Variants in ZMYM5 observed in about 807,000 individuals in gnomAD.
The protein encoded by ZMYM5 is zinc finger MYM-type containing 5, also known as zinc finger MYM-type protein 5.
Under a neutral mutation model 61.8 loss-of-function variants are expected in ZMYM5, and 41 were observed. The ratio of observed to expected loss-of-function variants is 0.66; its 90% CI spans 0.52 to 0.86. The LOEUF (loss-of-function observed/expected upper bound fraction) is 0.86. Ranked by LOEUF, ZMYM5 falls within the 40% of genes least tolerant of loss-of-function variation. The pLI is 0.00. For synonymous variants in ZMYM5, 257 were observed against 276.4 expected (o/e 0.93, Z 0.70); for missense variants, 706 against 786.7 (o/e 0.90, Z 1.23).
chr13:19,851,551 T>G, intron 3 of ZMYM5, 103 bp from the exon 4 acceptor site: 2 of 1,548,994 alleles, frequency 1.3e-6, no homozygotes, highest in Non-Finnish European at 1.8e-6. Context: ...ATAGTGATGT[T>G]TTATATGTAA....
At chr13:19,828,683 A>G (rs1377792325) in intron 7 of ZMYM5, among the ~76,000 whole-genome samples, 1 of 152,210 alleles carries the variant, frequency 6.6e-6, no homozygotes. Flanking sequence ...GGATTATAGC[A>G]GTAGAGATAG....
chr13:19,859,067 G>C (rs1953623296), intron 2 of ZMYM5, among the ~76,000 whole-genome samples: 1 of 151,992 alleles, frequency 6.6e-6, no homozygotes, highest in African/African-American at 2.4e-5. Context: ...AGGAGGCAGA[G>C]GTTGCAGTGA....
intron 7 of ZMYM5, among the ~76,000 whole-genome samples, chr13:19,833,452 T>A (rs1952586010): frequency 6.6e-6 from 1 of 152,226 alleles, no homozygotes. Context: ...TGTGGTTCTA[T>A]TTCTGGACTA....
intron 2 of ZMYM5, among the ~76,000 whole-genome samples, chr13:19,860,018 C>T (rs1953671350): frequency 1.4e-5 from 2 of 140,324 alleles, no homozygotes; most frequent in African/African-American, 5.3e-5. Flanking sequence ...GCACAAGAAT[C>T]GCTTGAGCCC....
chr13:19,850,760 C>T (rs1953257375), intron 4 of ZMYM5, among the ~76,000 whole-genome samples: 1 of 151,930 alleles, frequency 6.6e-6, no homozygotes, highest in Non-Finnish European at 1.5e-5. Context: ...GTATCTTTAT[C>T]CTTTGATTTT....
chr13:19,858,327 G>A (rs1002023503), intron 2 of ZMYM5, among the ~76,000 whole-genome samples: 1 of 152,022 alleles, frequency 6.6e-6, no homozygotes, highest in South Asian at 2.1e-4. Flanking sequence ...TAATGCCCCT[G>A]TAATCCCAGC....
At chr13:19,832,800 T>C (rs1566087279) in intron 7 of ZMYM5, among the ~76,000 whole-genome samples, 1 of 152,070 alleles carries the variant, frequency 6.6e-6, no homozygotes. Flanking sequence ...AGTCTCATTC[T>C]GTTGCCCAGG....
intron 6 of ZMYM5, 166 bp downstream of exon 6, chr13:19,837,490 A>T (rs1170762483): frequency 6.3e-7 from 1 of 1,582,488 alleles, no homozygotes; most frequent in Admixed American, 2.0e-5. Context: ...TTTTATTTAT[A>T]AAATATCCCA....
chr13:19,834,597 G>A (rs1593857068), intron 7 of ZMYM5, among the ~76,000 whole-genome samples: 1 of 152,146 alleles, frequency 6.6e-6, no homozygotes, highest in South Asian at 2.1e-4. Context: ...TCCAAATTTT[G>A]GTCAGAATGT....
intron 6 of ZMYM5, among the ~76,000 whole-genome samples, chr13:19,836,834 C>A (rs868364159): frequency 3.3e-5 from 5 of 152,130 alleles, no homozygotes; most frequent in Non-Finnish European, 5.9e-5. Flanking sequence ...AAAGTGAGGA[C>A]TGCCTGCATG....
intron 7 of ZMYM5, among the ~76,000 whole-genome samples, chr13:19,831,089 A>T (rs571671202): frequency 5.2e-4 from 77 of 147,848 alleles, no homozygotes; most frequent in African/African-American, 1.8e-3. Context: ...GGCCTTCCAA[A>T]GTGCTGGGAT....
intron 2 of ZMYM5, among the ~76,000 whole-genome samples, chr13:19,860,370 A>C (rs561468395): frequency 1.0e-4 from 15 of 147,556 alleles, no homozygotes; most frequent in Non-Finnish European, 1.9e-4. Context: ...TCGGCTCACC[A>C]TAACCTCTGC....
At chr13:19,845,360 G>A (rs1008087140) in intron 4 of ZMYM5, among the ~76,000 whole-genome samples, 2 of 152,180 alleles carry the variant, frequency 1.3e-5, no homozygotes, top group African/African-American at 4.8e-5. Flanking sequence ...ATTAATGATG[G>A]AAATGCAAAA....
intron 4 of ZMYM5, among the ~76,000 whole-genome samples, chr13:19,850,091 A>C (rs1447441772): frequency 1.3e-5 from 2 of 152,072 alleles, no homozygotes; most frequent in Non-Finnish European, 2.9e-5. Context: ...TAAACACTAA[A>C]ATGGTCAAAA....
chr13:19,857,092 C>G (rs1019982565), intron 2 of ZMYM5, among the ~76,000 whole-genome samples: 43 of 152,120 alleles, frequency 2.8e-4, no homozygotes, highest in Non-Finnish European at 5.6e-4. Context: ...GGCGACAGAG[C>G]GAGACTCCGT....
intron 4 of ZMYM5, chr13:19,843,463 T>C (rs1212246630): frequency 6.6e-6 from 1 of 151,502 alleles, no homozygotes; most frequent in Non-Finnish European, 1.5e-5. Flanking sequence ...AATTCATGCT[T>C]ATATAAACAT....
chr13:19,850,252 G>T (rs1953238668), intron 4 of ZMYM5, among the ~76,000 whole-genome samples: 1 of 152,074 alleles, frequency 6.6e-6, no homozygotes. Context: ...TGATTTAAAG[G>T]CAAGAAAGTT....
At chr13:19,862,944 C>A (rs1232599186) in intron 1 of ZMYM5, among the ~76,000 whole-genome samples, 1 of 152,214 alleles carries the variant, frequency 6.6e-6, no homozygotes, top group East Asian at 1.9e-4. Flanking sequence ...TCGCCCAGAT[C>A]AGCAGCAAAG....
intron 7 of ZMYM5, among the ~76,000 whole-genome samples, chr13:19,830,655 G>A (rs1205736260): frequency 1.4e-5 from 2 of 143,868 alleles, no homozygotes; most frequent in East Asian, 2.2e-4. Flanking sequence ...TGCCTCAGCC[G>A]CCCAAGCAGC....
Sources: gnomAD v4.1 joint callset for allele counts (sites outside exome capture counted in the v4.1 genomes callset) on GRCh38, gnomAD v4.1.1 for gene constraint, MANE v1.5 for transcripts, NCBI Gene and HGNC (gene_info 2026-07-23, HGNC 2026-07-21) for gene names.